Variants in EYS observed in about 807,000 individuals in gnomAD.
EYS encodes the protein protein eyes shut homolog.
A neutral mutation model predicts 282.1 loss-of-function variants in EYS; 250 were observed. That is an observed-to-expected ratio of 0.89 (90% CI 0.80 to 0.98). EYS has a LOEUF of 0.98. EYS is among the 50% of genes least tolerant of loss of function. The probability of loss-of-function intolerance (pLI) is 0.00; values close to 1 mark genes in which losing one functional copy is unlikely to be tolerated. For missense variants in EYS, 4,016 were observed against 3,709.0 expected, an observed-to-expected ratio of 1.08 and a Z score of -2.15; for synonymous variants, 1,355 against 1,282.9, an observed-to-expected ratio of 1.06 and a Z score of -1.20.
At chr6:64,990,677 A>G in intron 14 of EYS, among the ~76,000 whole-genome samples, 1 of 151,586 alleles carries the variant, frequency 6.6e-6, no homozygotes. Context: ...GTCTTCACAT[A>G]TTATTTATGA....
At chr6:63,767,006 GA>G (rs1769806163) in intron 40 of EYS, among the ~76,000 whole-genome samples, 1 of 152,064 alleles carries the variant, frequency 6.6e-6, no homozygotes, top group Admixed American at 6.6e-5. Flanking sequence ...AATAGATGCA[GA>G]AAAGACTTTG....
intron 31 of EYS, among the ~76,000 whole-genome samples, chr6:64,151,897 C>T (rs1774753164): frequency 6.6e-6 from 1 of 151,960 alleles, no homozygotes; most frequent in African/African-American, 2.4e-5. Flanking sequence ...ATTAAAATGG[C>T]ACTTTTTCCT....
At chr6:63,833,846 T>C (rs1771719918) in intron 36 of EYS, among the ~76,000 whole-genome samples, 1 of 152,156 alleles carries the variant, frequency 6.6e-6, no homozygotes, top group Admixed American at 6.5e-5. Flanking sequence ...AGCATGCTAC[T>C]GGTACCAAAA....
intron 37 of EYS, among the ~76,000 whole-genome samples, chr6:63,800,210 G>A (rs532484148): frequency 6.6e-6 from 1 of 152,216 alleles, no homozygotes; most frequent in African/African-American, 2.4e-5. Context: ...TTCCAGATAC[G>A]TATTAGACAT....
chr6:65,467,956 A>C (rs1765068315), intron 5 of EYS, among the ~76,000 whole-genome samples: 1 of 152,168 alleles, frequency 6.6e-6, no homozygotes, highest in Admixed American at 6.5e-5. Context: ...TATCATGCAC[A>C]CATTACTTTT....
chr6:65,332,693 G>A (rs994772932), intron 11 of EYS, among the ~76,000 whole-genome samples: 3 of 150,704 alleles, frequency 2.0e-5, no homozygotes, highest in Non-Finnish European at 3.0e-5. Flanking sequence ...TTTGGAGGAG[G>A]TGGTGAATAA....
At chr6:64,146,470 G>T (rs1042415483) in intron 31 of EYS, among the ~76,000 whole-genome samples, 1 of 152,136 alleles carries the variant, frequency 6.6e-6, no homozygotes, top group African/African-American at 2.4e-5. Context: ...CCTGAGGCAA[G>T]AACTTGAGTA....
intron 40 of EYS, among the ~76,000 whole-genome samples, chr6:63,769,218 A>T (rs1259771847): frequency 6.6e-6 from 1 of 152,086 alleles, no homozygotes; most frequent in African/African-American, 2.4e-5. Context: ...CTGAACCTAA[A>T]AGAAAAGTTG....
chr6:65,546,862 C>T (rs1243928127), intron 2 of EYS, among the ~76,000 whole-genome samples: 2 of 152,124 alleles, frequency 1.3e-5, no homozygotes, highest in Admixed American at 6.6e-5. Flanking sequence ...TGAGCGACCA[C>T]ACCCGGCCAT....
intron 2 of EYS, among the ~76,000 whole-genome samples, chr6:65,610,464 T>C (rs942453401): frequency 2.0e-5 from 3 of 152,102 alleles, no homozygotes; most frequent in Admixed American, 6.6e-5. Flanking sequence ...TATGTTTATA[T>C]TTTCCTATTA....
rs552505562 is a variant in EYS at position 64,468,159 on chromosome 6, C to T, written c.5645-28807G>A. On this transcript the variant is annotated intron_variant, in intron 26 of 42. Transcript: ENST00000503581. Reference sequence around the variant, plus strand: ...CACATCCAGCTTGTTGCCATCATTACAGGTGTCCAAGGACTGGACTGCCTG... The same window carrying T: ...CACATCCAGCTTGTTGCCATCATTATAGGTGTCCAAGGACTGGACTGCCTG... Among the ~76,000 whole-genome samples the T allele has an allele frequency of 5.3e-5, 8 of 152,288 alleles. No individual in the cohort carries two copies. In the South Asian group the frequency reaches 1.4e-3, roughly 28 times the overall value.
chr6:64,622,263 G>C (rs1272882209), intron 23 of EYS, among the ~76,000 whole-genome samples: 1 of 152,084 alleles, frequency 6.6e-6, no homozygotes, highest in Non-Finnish European at 1.5e-5. Context: ...AGATGGTGGA[G>C]GGCTTTATGC....
Position 65,668,837 on chromosome 6 carries a change from C to T in EYS, c.-447-28945G>A, listed in dbSNP as rs562817851. 8.7e-4 allele frequency among the ~76,000 whole-genome samples: 132 copies of T among 151,842 alleles called. 4 individuals carry two copies. In the South Asian group the frequency reaches 0.025, roughly 29 times the overall value. ...CTTATTTAGCAGGAAGCCAATAAACCACAGTGTAAATCAGTAGATTACGCT... is the reference window on the plus strand; with the variant it reads ...CTTATTTAGCAGGAAGCCAATAAACTACAGTGTAAATCAGTAGATTACGCT... On this transcript the variant is annotated intron_variant, in intron 1 of 42. Transcript: ENST00000503581.
intron 28 of EYS, among the ~76,000 whole-genome samples, chr6:64,401,213 C>T (rs1418467541): frequency 6.6e-6 from 1 of 152,082 alleles, no homozygotes; most frequent in East Asian, 1.9e-4. Flanking sequence ...TCAACTCTCT[C>T]ATCTGATCAT....
intron 13 of EYS, among the ~76,000 whole-genome samples, chr6:65,056,773 C>T (rs1177700550): frequency 6.6e-6 from 1 of 151,798 alleles, no homozygotes; most frequent in African/African-American, 2.4e-5. Context: ...TATAATTAAA[C>T]AATTATTATT....
intron 26 of EYS, among the ~76,000 whole-genome samples, chr6:64,541,446 G>C (rs1764693230): frequency 6.6e-6 from 1 of 152,106 alleles, no homozygotes; most frequent in Non-Finnish European, 1.5e-5. Flanking sequence ...TTAGAGAAAA[G>C]AGTGGTCATC....
intron 35 of EYS, among the ~76,000 whole-genome samples, chr6:63,982,828 A>T (rs6454562): frequency 6.6e-6 from 1 of 151,520 alleles, no homozygotes; most frequent in Non-Finnish European, 1.5e-5. Flanking sequence ...CAATTCTTGT[A>T]ACTTCTGTAA....
At chr6:65,370,572 T>A (rs1398677766) in intron 8 of EYS, among the ~76,000 whole-genome samples, 1 of 151,818 alleles carries the variant, frequency 6.6e-6, no homozygotes, top group Non-Finnish European at 1.5e-5. Context: ...GACTTTTATA[T>A]TTTTTGACAT....
At chr6:64,003,255 C>T (rs1768183762) in intron 33 of EYS, among the ~76,000 whole-genome samples, 1 of 152,086 alleles carries the variant, frequency 6.6e-6, no homozygotes, top group African/African-American at 2.4e-5. Context: ...AAATTTAAAA[C>T]AACTGAACTC....
Sources: allele counts gnomAD v4.1 joint callset (sites outside exome capture counted in the v4.1 genomes callset), GRCh38; gene constraint gnomAD v4.1.1; transcripts MANE v1.5; gene names NCBI Gene and HGNC (gene_info 2026-07-23, HGNC 2026-07-21).